NCOR1: variants seen among roughly 807,000 people sequenced by gnomAD.
NCOR1 encodes protein phosphatase 1, regulatory subunit 109.
Under a neutral mutation model 288.1 loss-of-function variants are expected in NCOR1, and 63 were observed. The ratio of observed to expected loss-of-function variants is 0.22; its 90% confidence interval spans 0.18 to 0.27. The LOEUF (loss-of-function observed/expected upper bound fraction) is 0.27, where lower values mean the gene tolerates loss of function less well. Among genes scored for constraint, NCOR1 ranks in the 10% least tolerant of loss-of-function variants. The pLI is 1.00. For missense variants in NCOR1, 2,397 were observed against 3,019.2 expected (o/e 0.79, Z 4.83); for synonymous variants, 1,007 against 1,065.9 (o/e 0.94, Z 1.08).
intron 14 of NCOR1, among the ~76,000 whole-genome samples, chr17:16,132,349 A>G (rs976882762): frequency 6.6e-6 from 1 of 152,184 alleles, no homozygotes; most frequent in Non-Finnish European, 1.5e-5. Context: ...TATGTTGGAA[A>G]AATGCAGCAT....
intron 31 of NCOR1, among the ~76,000 whole-genome samples, chr17:16,069,899 G>A (rs2061550741): frequency 6.6e-6 from 1 of 152,132 alleles, no homozygotes; most frequent in Admixed American, 6.5e-5. Context: ...TATGCAATTG[G>A]CTGAAAATCC....
At chr17:16,194,386 C>A in intron 2 of NCOR1, 76 bp downstream of exon 2, 1 of 923,590 alleles carries the variant, frequency 1.1e-6, no homozygotes, top group Non-Finnish European at 1.6e-6. Context: ...GGTTTCTGTC[C>A]CACATGTGTA....
chr17:16,095,888 G>C (rs1271050770), intron 21 of NCOR1, among the ~76,000 whole-genome samples: 2 of 152,064 alleles, frequency 1.3e-5, no homozygotes, highest in Non-Finnish European at 2.9e-5. Context: ...ATAGAAAAGG[G>C]GGCAAGGTGG....
chr17:16,213,896 T>G (rs746853690), intron 1 of NCOR1, among the ~76,000 whole-genome samples: 16 of 152,204 alleles, frequency 1.1e-4, no homozygotes, highest in Non-Finnish European at 1.8e-4. Context: ...GGAAAGAGTA[T>G]TTTAGTATTG....
In NCOR1 at chr17:16,139,034, G is replaced by A. The variant is rs762623184; in HGVS notation, c.1326C>T (p.Asp442=). ...TGTCCTTAAAGATCTCCTTTTCATG[G>A]TCAGTCCAAACATTCATAAACTGCC... The part of the protein sequence containing the change: ...KDRQFMNVWT[D]HEKEIFKDKF... The change falls in exon 12 of 46, where the codon GAC becomes GAT. Residue 442 remains aspartate (D), a synonymous_variant. Coordinates refer to ENST00000268712, the MANE Select transcript of NCOR1 (RefSeq NM_006311.4). 1.3e-6 allele frequency: 2 copies of A among 1,582,276 alleles called. No individual in the cohort carries two copies. The highest frequency in any genetic ancestry group is 1.2e-5 in the South Asian group (1 of 86,310).
At position 16,095,522 on chromosome 17, in the gene NCOR1, C is replaced by T. The variant is rs1342398574; in HGVS notation, c.2820+2845G>A. On this transcript the variant is annotated intron_variant, in intron 21 of 45. Transcript: ENST00000268712. ...CAGCCCCCTGCCCGGCCAGCCGCCC[C>T]ATCCGGGAGGGAGGTTGGGGGGTCA... Among the ~76,000 whole-genome samples the T allele has an allele frequency of 3.4e-4, 47 of 137,638 alleles. 2 individuals carry two copies. The highest frequency in any genetic ancestry group is 3.2e-3 in the Admixed American group (44 of 13,828). 90.3% of individuals were successfully genotyped at this position (137,638 alleles called of 152,430 possible). A position where few individuals can be genotyped will look rare whatever the true frequency, so the allele number is the denominator to read the frequency against.
intron 40 of NCOR1, chr17:16,057,190 A>G: frequency 3.7e-6 from 1 of 272,100 alleles, no homozygotes; most frequent in Admixed American, 4.8e-5. Context: ...ATTGAGACAG[A>G]TAAATATGAG....
intron 35 of NCOR1, 71 bp from the exon 36 acceptor site, chr17:16,062,341 A>T: frequency 7.0e-7 from 1 of 1,438,210 alleles, no homozygotes; most frequent in South Asian, 1.5e-5. Flanking sequence ...AGCAATGCTT[A>T]TGGATTGTTT....
chr17:16,047,128 G>A lies in NCOR1; in HGVS notation c.6537-35C>T, dbSNP rs376902304. 2.0e-5 allele frequency: 31 copies of A among 1,581,182 alleles called. No homozygotes were observed. In the African/African-American group the frequency reaches 3.0e-4, roughly 15 times the overall value. On this transcript the variant is annotated intron_variant, in intron 41 of 45. Transcript: ENST00000268712. ...CCAAAGTTAAGTATATTACAACCAC[G>A]TACTCCTAATCCTGGGGACATTCCT...
chr17:16,060,837 A>G (rs942546912), intron 37 of NCOR1, among the ~76,000 whole-genome samples: 6 of 152,238 alleles, frequency 3.9e-5, no homozygotes, highest in African/African-American at 1.4e-4. Context: ...AGAAAATTTA[A>G]AAAGTAACTT....
intron 34 of NCOR1, 142 bp downstream of exon 34, chr17:16,064,728 C>T: frequency 1.4e-6 from 1 of 693,952 alleles, no homozygotes; most frequent in South Asian, 3.2e-5. Flanking sequence ...TGACAGCTGG[C>T]ACATAAGAAC....
chr17:16,065,557 A>C lies in NCOR1; in HGVS notation c.4879T>G (p.Leu1627Val). 1 of 1,614,178 alleles carries C rather than the reference A, an allele frequency of 6.2e-7. No individual in the cohort carries two copies. The highest frequency in any genetic ancestry group is 8.5e-7 in the Non-Finnish European group (1 of 1,180,042). ...YITSQQMQVN[L>V]RPDVARGLSP... is the part of the protein sequence containing the mutation. ...AGTCCTCTGGCCACATCTGGACGCA[A>C]GTTCACTTGCATCTGTTGTGAGGTA... Residue 1627 changes from leucine to valine, a missense_variant, in exon 33 of 46, where the codon TTG (leucine) becomes GTG (valine). By Grantham distance (32) the Leu-to-Val change is conservative. This residue lies in a region of NCOR1 where 1,872 missense variants were observed against 2,187.8 expected (regional missense o/e 0.86). Transcript: ENST00000268712.
At chr17:16,094,944 G>GC (rs1438329708) in intron 21 of NCOR1, among the ~76,000 whole-genome samples, 4 of 152,260 alleles carry the variant, frequency 2.6e-5, no homozygotes, top group East Asian at 1.9e-4. Flanking sequence ...GCCTGCCTTG[G>GC]CCCCCCAAAG....
chr17:16,160,582 G>A (rs543647669), intron 5 of NCOR1, among the ~76,000 whole-genome samples: 1 of 152,276 alleles, frequency 6.6e-6, no homozygotes, highest in East Asian at 1.9e-4. Context: ...CTTGAGCCCA[G>A]GAGTTCAAGA....
At chr17:16,153,529 T>TA in intron 6 of NCOR1, 134 bp from the exon 7 acceptor site, 1 of 515,482 alleles carries the variant, frequency 1.9e-6, no homozygotes, top group Non-Finnish European at 3.3e-6. Context: ...CCTTCTTCTA[T>TA]ATGACAGGCT....
At position 16,158,826 on chromosome 17, in the gene NCOR1, G is replaced by A. The variant is rs749073694; in HGVS notation, c.666C>T (p.Pro222=). ...EAAKPPEPEK[P]VSPPPVEQKH... ...TCTGCTCCACAGGAGGAGGGGACAC[G>A]GGCTTCTCAGGCTCAGGAGGTTTAG... Residue 222 remains proline, a synonymous_variant, in exon 6 of 46, where the codon CCC becomes CCT. Coordinates refer to ENST00000268712, the MANE Select transcript of NCOR1 (RefSeq NM_006311.4). 1.4e-5 allele frequency: 23 copies of A among 1,614,066 alleles called. No individual in the cohort carries two copies. Among genetic ancestry groups the A allele is most frequent in the Admixed American group, 1.2e-4 (7 of 60,006 alleles).
chr17:16,052,520 T>C (rs1460946841), intron 40 of NCOR1, among the ~76,000 whole-genome samples: 1 of 152,218 alleles, frequency 6.6e-6, no homozygotes, highest in African/African-American at 2.4e-5. Context: ...GATAAATTTC[T>C]GGTCACATAC....
intron 18 of NCOR1, among the ~76,000 whole-genome samples, chr17:16,112,973 C>A (rs1418898177): frequency 6.6e-6 from 1 of 152,164 alleles, no homozygotes; most frequent in South Asian, 2.1e-4. Context: ...TGCAGTGGTG[C>A]GATCTCGGCT....
At chr17:16,123,159 G>A (rs1417987790) in intron 15 of NCOR1, among the ~76,000 whole-genome samples, 1 of 152,108 alleles carries the variant, frequency 6.6e-6, no homozygotes, top group Non-Finnish European at 1.5e-5. Context: ...CCTCACCTCT[G>A]CTCCTTGCTC....
Sources: gnomAD v4.1 joint callset for allele counts (sites outside exome capture counted in the v4.1 genomes callset) on GRCh38, gnomAD v4.1.1 for gene constraint, gnomAD v4.1.1 regional missense constraint, MANE v1.5 for transcripts, NCBI Gene and HGNC (gene_info 2026-07-23, HGNC 2026-07-21) for gene names.